The following DROSHA variants were observed in gnomAD, a reference collection of about 807,000 sequenced individuals.
DROSHA encodes drosha ribonuclease III, also known as ribonuclease 3.
In DROSHA, 56 loss-of-function variants were observed where a neutral mutation model predicts 181.9. The observed-to-expected ratio is 0.31, with a 90% CI of 0.25 to 0.38. The LOEUF is 0.38. DROSHA is among the 10% of genes least tolerant of loss of function. The pLI, the probability that DROSHA is intolerant of heterozygous loss-of-function variation, is 1.00. For missense variants in DROSHA, 1,218 were observed against 1,743.5 expected, an observed-to-expected ratio of 0.70 and a Z score of 5.37; for synonymous variants, 524 against 591.2, an observed-to-expected ratio of 0.89 and a Z score of 1.65.
At chr5:31,435,263 G>C (rs894514183) in intron 25 of DROSHA, among the ~76,000 whole-genome samples, 1 of 152,124 alleles carries the variant, frequency 6.6e-6, no homozygotes, top group African/African-American at 2.4e-5. Context: ...TGAGGCTAGG[G>C]GAACAGCCTA....
Position 31,409,717 on chromosome 5 carries a change from A to C in DROSHA, c.3668-385T>G, listed in dbSNP as rs909622554. On this transcript the variant is annotated intron_variant, in intron 31 of 35. Transcript: ENST00000344624. This position sits in a 1 kb window ranked among gnomAD's most constrained non-coding sequence, Gnocchi z 4.0. ...AATACGCACATTCTTGGGTCTTGCC[A>C]TTTTCAACACCAATCCTGAGATCCC... Among the ~76,000 whole-genome samples, 1 of 152,198 alleles carries C rather than the reference A, an allele frequency of 6.6e-6. No homozygotes were observed. The highest frequency in any genetic ancestry group is 2.4e-5 in the African/African-American group (1 of 41,450).
At chr5:31,421,693 T>A (rs947978428) in intron 29 of DROSHA, 4 of 220,362 alleles carry the variant, frequency 1.8e-5, no homozygotes, top group African/African-American at 9.3e-5. Flanking sequence ...AACAACAATC[T>A]TGAAAGAAAG....
chr5:31,471,422 T>C (rs986227959), intron 17 of DROSHA, among the ~76,000 whole-genome samples: 1 of 152,146 alleles, frequency 6.6e-6, no homozygotes, highest in African/African-American at 2.4e-5. Context: ...AAATGTTATG[T>C]CTTTATATAA....
chr5:31,523,047 A>G (rs2150061816), intron 5 of DROSHA, among the ~76,000 whole-genome samples: 1 of 152,376 alleles, frequency 6.6e-6, no homozygotes, highest in East Asian at 1.9e-4. Context: ...GCAACAAGAA[A>G]ACAGACTATA....
chr5:31,500,188 C>T (rs565412858), intron 11 of DROSHA, among the ~76,000 whole-genome samples: 1 of 152,312 alleles, frequency 6.6e-6, no homozygotes, highest in Admixed American at 6.5e-5. Context: ...CCCCTCCTGG[C>T]CAATACCTAT....
At chr5:31,446,525 GAT>G (rs747649678) in intron 23 of DROSHA, among the ~76,000 whole-genome samples, 1 of 145,540 alleles carries the variant, frequency 6.9e-6, no homozygotes, top group Non-Finnish European at 1.5e-5. Flanking sequence ...TTTTGCAAAA[GAT>G]GTGTAAAATG....
intron 20 of DROSHA, among the ~76,000 whole-genome samples, chr5:31,454,695 C>T (rs1747426118): frequency 2.0e-5 from 3 of 152,076 alleles, no homozygotes; most frequent in Admixed American, 1.3e-4. Flanking sequence ...AATCCCAGCA[C>T]TGTGGGAGGC....
intron 30 of DROSHA, among the ~76,000 whole-genome samples, chr5:31,412,970 T>C (rs985557076): frequency 2.0e-5 from 3 of 152,178 alleles, no homozygotes; most frequent in African/African-American, 7.2e-5. Flanking sequence ...TCCGAATATA[T>C]GCTTTCGGTA....
chr5:31,406,753 G>T, intron 34 of DROSHA, 100 bp downstream of exon 34: 1 of 1,067,614 alleles, frequency 9.4e-7, no homozygotes, highest in Non-Finnish European at 1.4e-6. Flanking sequence ...TTTATTCTCT[G>T]AGTTAAAAAA....
chr5:31,420,335 G>GTCC (rs1321337366), intron 30 of DROSHA, among the ~76,000 whole-genome samples: 2 of 152,168 alleles, frequency 1.3e-5, no homozygotes, highest in Non-Finnish European at 2.9e-5. Context: ...CTTTCTCAAT[G>GTCC]TCCAGTCCTC....
chr5:31,462,374 G>A (rs978939485), intron 20 of DROSHA, among the ~76,000 whole-genome samples: 2 of 152,060 alleles, frequency 1.3e-5, no homozygotes, highest in African/African-American at 2.4e-5. Context: ...AGGGAGGAAC[G>A]GTTATTAGAT....
chr5:31,474,814 G>A (rs1159494298), intron 16 of DROSHA, among the ~76,000 whole-genome samples: 2 of 152,128 alleles, frequency 1.3e-5, no homozygotes, highest in Non-Finnish European at 2.9e-5. Flanking sequence ...TATCCACCAG[G>A]TGAGGATATA....
At chr5:31,434,925 G>A (rs1370747852) in intron 25 of DROSHA, among the ~76,000 whole-genome samples, 1 of 152,194 alleles carries the variant, frequency 6.6e-6, no homozygotes, top group Non-Finnish European at 1.5e-5. Context: ...ACATCTTTGT[G>A]TAATTACTAT....
Position 31,493,215 on chromosome 5 carries a change from G to C in DROSHA, c.1834C>G (p.Leu612Val). ...AACTGGCACATACTTACATTGGTCA[G>C]GGGGGCATGTGCAAACATAGAAAAT... ...EGFSMFAHAP[L>V]TNIPLCKVIR... The change falls in exon 13 of 36, where the codon CTG becomes GTG. Residue 612 changes from leucine to valine, a missense_variant. Physicochemically the swap from Leu to Val is conservative, Grantham distance 32. Coordinates refer to ENST00000344624, the MANE Select transcript of DROSHA (RefSeq NM_001382508.1). 6.2e-7 allele frequency: 1 copy of C among 1,605,712 alleles called. No homozygotes were observed. The highest frequency in any genetic ancestry group is 8.5e-7 in the Non-Finnish European group (1 of 1,176,500).
chr5:31,529,227 A>C (rs1236617439), intron 3 of DROSHA, 122 bp from the exon 4 acceptor site: 2 of 779,274 alleles, frequency 2.6e-6, no homozygotes, highest in African/African-American at 1.7e-5. Flanking sequence ...GCCTACAAAC[A>C]AAATTAAAAG....
chr5:31,510,878 G>T (rs1738589829), intron 9 of DROSHA, among the ~76,000 whole-genome samples, 157 bp downstream of exon 9: 1 of 151,990 alleles, frequency 6.6e-6, no homozygotes, highest in Admixed American at 6.5e-5. Context: ...TCAAAAAGAA[G>T]GAAGTTCTAC....
chr5:31,443,954 C>G (rs1028777685), intron 23 of DROSHA, among the ~76,000 whole-genome samples: 18 of 152,218 alleles, frequency 1.2e-4, no homozygotes, highest in African/African-American at 3.6e-4. Context: ...GGACCATAGC[C>G]CTTCAAAATC....
rs767129327 is a variant in DROSHA at position 31,422,957 on chromosome 5, A to G, written c.3262-13T>C. 12 of 1,519,628 alleles carry G rather than the reference A, an allele frequency of 7.9e-6. No homozygotes were observed. In the African/African-American group the frequency reaches 1.1e-4, roughly 14 times the overall value. 94.1% of individuals were successfully genotyped at this position (1,519,628 alleles called of 1,614,324 possible). ...TTGGCTCTTGTAGCTACAGGAAAAT[A>G]GAAATAAATAAAAATCATTTTTTCA... On this transcript the variant is annotated splice_polypyrimidine_tract_variant and intron_variant, in intron 28 of 35. Transcript: ENST00000344624.
intron 19 of DROSHA, 73 bp downstream of exon 19, chr5:31,466,109 G>T: frequency 1.4e-6 from 2 of 1,457,992 alleles, no homozygotes; most frequent in Non-Finnish European, 9.6e-7. Context: ...GAAGTATAGT[G>T]TGATACAACA....
Sources: gnomAD v4.1 joint callset for allele counts (sites outside exome capture counted in the v4.1 genomes callset) on GRCh38, gnomAD v4.1.1 for gene constraint, Gnocchi (gnomAD v3.1) non-coding constraint, MANE v1.5 for transcripts, NCBI Gene and HGNC (gene_info 2026-07-23, HGNC 2026-07-21) for gene names.